Variants in SS18 observed in about 807,000 individuals in gnomAD.
SS18 encodes SS18 subunit of BAF chromatin remodeling complex.
A neutral mutation model predicts 72.5 loss-of-function variants in SS18; 28 were observed. The observed-to-expected ratio is 0.39, with a 90% CI of 0.29 to 0.53. The LOEUF (loss-of-function observed/expected upper bound fraction) is 0.53. SS18 is among the 20% of genes least tolerant of loss of function. The probability of loss-of-function intolerance (pLI) is 0.76; values close to 1 mark genes in which losing one functional copy is unlikely to be tolerated. For synonymous variants in SS18, 172 were observed against 164.2 expected, an observed-to-expected ratio of 1.05 and a Z score of -0.37; for missense variants, 518 against 535.3, an observed-to-expected ratio of 0.97 and a Z score of 0.32.
chr18:26,086,303 T>C (rs181155841), intron 2 of SS18, among the ~76,000 whole-genome samples: 81 of 152,320 alleles, frequency 5.3e-4, no homozygotes, highest in African/African-American at 1.7e-3. Flanking sequence ...AACTGTATTC[T>C]ACAGCTGTGT....
At chr18:26,019,694 C>G (rs1173926876) in intron 10 of SS18, among the ~76,000 whole-genome samples, 1 of 149,754 alleles carries the variant, frequency 6.7e-6, no homozygotes, top group African/African-American at 2.5e-5. Flanking sequence ...ATCTGTAATC[C>G]CAGCTACTTG....
intron 10 of SS18, among the ~76,000 whole-genome samples, chr18:26,030,527 A>G (rs2053526375): frequency 6.6e-6 from 1 of 152,176 alleles, no homozygotes; most frequent in African/African-American, 2.4e-5. Flanking sequence ...CTTATTTCCC[A>G]ATATGTTCCC....
At chr18:26,075,188 TAAGAAA>T (rs2054390263) in intron 3 of SS18, among the ~76,000 whole-genome samples, 1 of 151,828 alleles carries the variant, frequency 6.6e-6, no homozygotes, top group Admixed American at 6.6e-5. Context: ...TTCTTCTGGA[TAAGAAA>T]AAGTAGAAAA....
chr18:26,085,323 T>C (rs1598617027), intron 2 of SS18, among the ~76,000 whole-genome samples: 1 of 152,284 alleles, frequency 6.6e-6, no homozygotes. Flanking sequence ...GCATGAACCA[T>C]CGTGCCTGGC....
At chr18:26,018,485 GCCGTAC>G (rs2071712701) in intron 10 of SS18, 105 bp from the exon 11 acceptor site, 1 of 908,852 alleles carries the variant, frequency 1.1e-6, no homozygotes, top group Admixed American at 2.8e-5. Flanking sequence ...CAAAAAAGCA[GCCGTAC>G]CTACAATAAA....
chr18:26,032,088 C>T (rs1046006811), intron 10 of SS18, among the ~76,000 whole-genome samples: 1 of 152,064 alleles, frequency 6.6e-6, no homozygotes, highest in African/African-American at 2.4e-5. Flanking sequence ...TCTATCTATA[C>T]TTTACCTCAG....
chr18:26,044,158 G>C (rs2053778523), intron 5 of SS18, among the ~76,000 whole-genome samples: 1 of 151,938 alleles, frequency 6.6e-6, no homozygotes, highest in Non-Finnish European at 1.5e-5. Flanking sequence ...AGAGTCTAAA[G>C]AAAAATAATT....
At chr18:26,053,647 G>GTC (rs1284553748) in intron 4 of SS18, among the ~76,000 whole-genome samples, 3 of 150,434 alleles carry the variant, frequency 2.0e-5, no homozygotes, top group Admixed American at 1.3e-4. Flanking sequence ...AATGGGCAAA[G>GTC]GACATAATGA....
chr18:26,078,106 A>G lies in SS18; in HGVS notation c.201T>C (p.Ser67=). Residue 67 remains serine (S), a synonymous_variant, in exon 3 of 11, where the codon TCT becomes TCC. Transcript: ENST00000415083. ...GTAAAAGAGACTGCATATTTTGATT[A>G]GAATCTGCTATTGTAGCAAGGTATA... is the stretch of plus-strand genomic sequence containing the variant. ...NLVYLATIAD[S]NQNMQSLLPA... is the part of the protein sequence containing the mutation. 1 of 1,612,776 alleles carries G rather than the reference A, an allele frequency of 6.2e-7. No homozygotes were observed.
Position 26,087,518 on chromosome 18 carries a change from C to T in SS18, c.129G>A (p.Lys43=). 6.3e-7 allele frequency: 1 copy of T among 1,590,534 alleles called. No individual in the cohort carries two copies. Among genetic ancestry groups the T allele is most frequent in the Non-Finnish European group, 8.6e-7 (1 of 1,165,408 alleles). ...QCIMDSQNKG[K]TSECSQYQQM... is the part of the protein sequence containing the mutation. ...AATCTTACTGAGAACACTCTGAGGTCTTTCCTTTATTCTGAGAGTCCATTA... is the reference window on the plus strand; with the variant it reads ...AATCTTACTGAGAACACTCTGAGGTTTTTCCTTTATTCTGAGAGTCCATTA... The change falls in exon 2 of 11, where the codon AAG becomes AAA. Residue 43 remains lysine (K), a synonymous_variant. Transcript: ENST00000415083.
intron 10 of SS18, among the ~76,000 whole-genome samples, chr18:26,029,119 T>C (rs1259405180): frequency 6.6e-6 from 1 of 152,070 alleles, no homozygotes; most frequent in Non-Finnish European, 1.5e-5. Flanking sequence ...ATACAAAGAT[T>C]CTCAGGTAGA....
At chr18:26,083,338 T>C (rs1033214929) in intron 2 of SS18, among the ~76,000 whole-genome samples, 8 of 152,168 alleles carry the variant, frequency 5.3e-5, no homozygotes, top group Non-Finnish European at 1.0e-4. Flanking sequence ...CCGTGACATA[T>C]ACTACCCTTG....
chr18:26,048,071 T>C (rs1375201998), intron 5 of SS18, among the ~76,000 whole-genome samples: 2 of 152,208 alleles, frequency 1.3e-5, no homozygotes, highest in Non-Finnish European at 2.9e-5. Flanking sequence ...TTGAAGAAAT[T>C]AAGTTTACAG....
chr18:26,065,310 T>A (rs1481614816), intron 3 of SS18, among the ~76,000 whole-genome samples: 1 of 151,844 alleles, frequency 6.6e-6, no homozygotes, highest in East Asian at 1.9e-4. Flanking sequence ...CAAAGATTTA[T>A]CACAAGCTAC....
rs761034990 is a variant in SS18 at position 26,057,641 on chromosome 18, A to ACCT, written c.330_332dup (p.Gly113dup). ...GCATGTGCGGTGCAGGAGGACCCCC[A>ACCT]CCTACCATTCCATCTGAAGGCATGT... On this transcript the variant is annotated inframe_insertion, in exon 4 of 11. Transcript: ENST00000415083. 1.2e-6 allele frequency: 2 copies of ACCT among 1,613,998 alleles called. No individual in the cohort carries two copies. The highest frequency in any genetic ancestry group is 2.2e-5 in the South Asian group (2 of 91,048).
At chr18:26,085,473 T>C (rs139768911) in intron 2 of SS18, among the ~76,000 whole-genome samples, 26 of 152,358 alleles carry the variant, frequency 1.7e-4, no homozygotes, top group African/African-American at 4.6e-4. Flanking sequence ...AGCAAACCAA[T>C]ACAATCTTTT....
chr18:26,071,593 G>C (rs1346165997), intron 3 of SS18, among the ~76,000 whole-genome samples: 1 of 152,162 alleles, frequency 6.6e-6, no homozygotes, highest in Non-Finnish European at 1.5e-5. Context: ...AACTTTGGGA[G>C]GCCAAGGCAG....
In SS18 at chr18:26,076,085, T is replaced by C. The variant is rs80065812; in HGVS notation, c.231+1991A>G. Among the ~76,000 whole-genome samples, 658 of 151,716 alleles carry C rather than the reference T, an allele frequency of 4.3e-3. 4 individuals are homozygous for C. Among genetic ancestry groups the C allele is most frequent in the African/African-American group, 0.014 (593 of 41,454 alleles). On this transcript the variant is annotated intron_variant, in intron 3 of 10. Transcript: ENST00000415083. ...CATTAAAGAACTAAATAAATGAAAATATATGCAATGCTCACGATTTGGAAA... is the reference window on the plus strand; with the variant it reads ...CATTAAAGAACTAAATAAATGAAAACATATGCAATGCTCACGATTTGGAAA...
chr18:26,090,627 G>T, upstream of SS18: 1 of 1,514,216 alleles, frequency 6.6e-7, no homozygotes, highest in Non-Finnish European at 8.9e-7. Context: ...CGGCAAACTG[G>T]GGGAGAGACG....
Sources: gnomAD v4.1 joint callset for allele counts (sites outside exome capture counted in the v4.1 genomes callset) on GRCh38, gnomAD v4.1.1 for gene constraint, MANE v1.5 for transcripts, NCBI Gene and HGNC (gene_info 2026-07-23, HGNC 2026-07-21) for gene names.